Variants in BABAM2 observed in about 807,000 individuals in gnomAD.
BABAM2 encodes BRISC and BRCA1-A complex member 2.
BABAM2 carries 31 observed loss-of-function variants against 54.7 expected under a neutral mutation model. The ratio of observed to expected loss-of-function variants is 0.57; its 90% CI spans 0.43 to 0.77. BABAM2 has a LOEUF of 0.77. BABAM2 is among the 30% of genes least tolerant of loss of function. The pLI, the probability that BABAM2 is intolerant of heterozygous loss-of-function variation, is 0.00. For synonymous variants in BABAM2, 167 were observed against 162.9 expected (o/e 1.03, Z -0.19); for missense variants, 364 against 455.8 (o/e 0.80, Z 1.83).
intron 7 of BABAM2, among the ~76,000 whole-genome samples, chr2:28,201,054 A>G (rs1225540977): frequency 6.6e-6 from 1 of 152,232 alleles, no homozygotes; most frequent in Non-Finnish European, 1.5e-5. Flanking sequence ...TACAGGCATG[A>G]GCCACCATGC....
intron 7 of BABAM2, among the ~76,000 whole-genome samples, chr2:28,193,934 G>A (rs1262818635): frequency 6.6e-6 from 1 of 152,192 alleles, no homozygotes; most frequent in Non-Finnish European, 1.5e-5. Flanking sequence ...TCTGTGGGAG[G>A]CTGTGGTGCA....
chr2:27,905,013 A>T (rs1363202574), intron 2 of BABAM2, among the ~76,000 whole-genome samples: 1 of 152,246 alleles, frequency 6.6e-6, no homozygotes, highest in Non-Finnish European at 1.5e-5. Context: ...TTATTACTAG[A>T]TGTTTTATCA....
At chr2:27,985,968 G>T (rs1213484324) in intron 3 of BABAM2, among the ~76,000 whole-genome samples, 1 of 152,126 alleles carries the variant, frequency 6.6e-6, no homozygotes, top group Non-Finnish European at 1.5e-5. Flanking sequence ...GTGTGTTCTG[G>T]ATTTATTAGG....
chr2:28,013,184 G>T (rs544604022), intron 4 of BABAM2, among the ~76,000 whole-genome samples: 1 of 152,116 alleles, frequency 6.6e-6, no homozygotes, highest in African/African-American at 2.4e-5. Context: ...CATGTTTTAG[G>T]TTTAAAGCTT....
chr2:27,992,117 C>G (rs1254893428), intron 4 of BABAM2, among the ~76,000 whole-genome samples: 1 of 152,036 alleles, frequency 6.6e-6, no homozygotes, highest in Non-Finnish European at 1.5e-5. Context: ...TTGATTTGTG[C>G]TTTTTTTGAT....
intron 4 of BABAM2, among the ~76,000 whole-genome samples, chr2:28,017,302 C>G (rs1674901091): frequency 6.6e-6 from 1 of 152,110 alleles, no homozygotes; most frequent in South Asian, 2.1e-4. Flanking sequence ...GATGGAGTGA[C>G]ATTTTAAAAA....
chr2:28,323,205 A>G (rs969396403), intron 11 of BABAM2, among the ~76,000 whole-genome samples: 1 of 152,212 alleles, frequency 6.6e-6, no homozygotes, highest in Non-Finnish European at 1.5e-5. Context: ...GGAGTGGCCC[A>G]TGAGTGTGTG....
intron 11 of BABAM2, among the ~76,000 whole-genome samples, chr2:28,313,787 A>G (rs936575103): frequency 7.9e-5 from 12 of 152,222 alleles, no homozygotes; most frequent in African/African-American, 2.9e-4. Flanking sequence ...AGACTAACAC[A>G]CACACATTTT....
At chr2:28,006,208 G>A (rs1225719467) in intron 4 of BABAM2, among the ~76,000 whole-genome samples, 1 of 151,818 alleles carries the variant, frequency 6.6e-6, no homozygotes, top group African/African-American at 2.4e-5. Context: ...AGTTTAACAT[G>A]TTCCTTTCTT....
chr2:28,240,082 C>T (rs1682272581), intron 8 of BABAM2, among the ~76,000 whole-genome samples: 1 of 151,206 alleles, frequency 6.6e-6, no homozygotes, highest in South Asian at 2.1e-4. Flanking sequence ...TTCTACAAGA[C>T]TACTAGCACA....
chr2:28,194,290 T>C (rs1273746512), intron 7 of BABAM2, among the ~76,000 whole-genome samples: 1 of 152,112 alleles, frequency 6.6e-6, no homozygotes, highest in Non-Finnish European at 1.5e-5. Context: ...CATGACTGAC[T>C]TGCCAGTTTA....
In BABAM2 at chr2:27,936,988, TATC is replaced by T. The variant is rs577386105; in HGVS notation, c.205+7083_205+7085del. Reference sequence around the variant, plus strand: ...AATTAAAAAAAATAAAATCAGGTATTATCATTTTATTTTAGACATAATGCTATT... The same window carrying T: ...AATTAAAAAAAATAAAATCAGGTATTATTTTATTTTAGACATAATGCTATT... On this transcript the variant is annotated intron_variant, in intron 3 of 11. Coordinates refer to ENST00000379624, the MANE Select transcript of BABAM2 (RefSeq NM_199191.3). Among the ~76,000 whole-genome samples the T allele has an allele frequency of 9.2e-5, 14 of 152,252 alleles. No individual in the cohort carries two copies. The South Asian group carries it at 2.5e-3, about 27-fold the overall frequency.
At chr2:28,083,333 C>G (rs1665348148) in intron 6 of BABAM2, among the ~76,000 whole-genome samples, 1 of 152,144 alleles carries the variant, frequency 6.6e-6, no homozygotes, top group African/African-American at 2.4e-5. Flanking sequence ...CTCAACCCTC[C>G]TAATCACGTT....
chr2:28,113,499 A>G (rs890128532), intron 6 of BABAM2, among the ~76,000 whole-genome samples: 5 of 151,980 alleles, frequency 3.3e-5, no homozygotes, highest in Non-Finnish European at 7.4e-5. Flanking sequence ...GTTCTGTTCC[A>G]TTGGTCTGTA....
chr2:28,065,270 C>T (rs375109723), intron 6 of BABAM2, among the ~76,000 whole-genome samples: 42 of 152,264 alleles, frequency 2.8e-4, no homozygotes, highest in Non-Finnish European at 5.3e-4. Flanking sequence ...TTTAATGCCA[C>T]GTATTAAACA....
intron 5 of BABAM2, among the ~76,000 whole-genome samples, chr2:28,040,298 T>C (rs1676980250): frequency 1.8e-5 from 1 of 55,592 alleles, no homozygotes; most frequent in Non-Finnish European, 5.1e-5. Context: ...TGAATTCTTT[T>C]TTTTTTTTTT....
intron 3 of BABAM2, among the ~76,000 whole-genome samples, chr2:27,938,479 C>T (rs1212031089): frequency 6.6e-6 from 1 of 151,986 alleles, no homozygotes; most frequent in East Asian, 1.9e-4. Context: ...GCAACCTCCG[C>T]CTCCTGGGTT....
At chr2:28,248,022 T>C (rs1211731096) in intron 10 of BABAM2, among the ~76,000 whole-genome samples, 1 of 152,052 alleles carries the variant, frequency 6.6e-6, no homozygotes, top group East Asian at 1.9e-4. Flanking sequence ...ATGTCTCAAA[T>C]CTTGGAACTG....
intron 6 of BABAM2, among the ~76,000 whole-genome samples, chr2:28,105,228 CA>C (rs370192702): frequency 1.2e-3 from 179 of 146,092 alleles, no homozygotes; most frequent in African/African-American, 3.9e-3. Flanking sequence ...TTTGTGATGT[CA>C]AAAAAAAAAG....
Sources: gnomAD v4.1 joint callset for allele counts (sites outside exome capture counted in the v4.1 genomes callset) on GRCh38, gnomAD v4.1.1 for gene constraint, MANE v1.5 for transcripts, NCBI Gene and HGNC (gene_info 2026-07-23, HGNC 2026-07-21) for gene names.